SFI1: variants seen among roughly 807,000 people sequenced by gnomAD.
SFI1 encodes the protein SFI1 centrin binding protein, also known as protein SFI1 homolog.
In SFI1, 195 loss-of-function variants were observed where a neutral mutation model predicts 207.5. That is an observed-to-expected ratio of 0.94 (90% CI 0.84 to 1.06). SFI1 has a LOEUF of 1.06. Among genes scored for constraint, SFI1 ranks in the 50% least tolerant of loss-of-function variants. SFI1 has a pLI of 0.00. For synonymous variants in SFI1, 630 were observed against 598.9 expected (o/e 1.05, Z -0.76); for missense variants, 1,634 against 1,588.0 (o/e 1.03, Z -0.49).
chr22:31,602,102 T>C (rs1185789367), intron 15 of SFI1, 110 bp from the exon 16 acceptor site: 13 of 922,670 alleles, frequency 1.4e-5, no homozygotes, highest in African/African-American at 3.2e-5. Flanking sequence ...TCACCTCTTA[T>C]ACGATAGCAT....
chr22:31,606,591 A>G lies in SFI1; in HGVS notation c.2157+161A>G, dbSNP rs1253536101. On this transcript the variant is annotated intron_variant, in intron 21 of 32. Coordinates refer to ENST00000400288, the MANE Select transcript of SFI1 (RefSeq NM_001007467.3). The stretch of plus-strand genomic sequence containing the variant: ...CACACACAAACATCCATGTGGGCAC[A>G]TGTTTAGTTTTTTACTGAATTACAA... The G allele has an allele frequency of 8.8e-6, 5 of 571,192 alleles. No individual in the cohort carries two copies. The Admixed American group carries it at 1.5e-4, about 17-fold the overall frequency. The allele number at this position is 571,192 out of a possible 1,614,324, so 35.4% of individuals were successfully genotyped here. A position where few individuals can be genotyped will look rare whatever the true frequency, so the allele number is the denominator to read the frequency against.
chr22:31,608,602 G>A (rs5994415), intron 22 of SFI1, among the ~76,000 whole-genome samples: 44,174 of 151,908 alleles, frequency 0.29, 6,929 homozygotes, highest in East Asian at 0.44. Context: ...CTGCCAACCA[G>A]TTTATGTTAA....
chr22:31,528,797 A>G lies in SFI1; in HGVS notation c.200A>G (p.His67Arg). The G allele has an allele frequency of 6.2e-7, 1 of 1,614,148 alleles. No homozygotes were observed. The highest frequency in any genetic ancestry group is 2.2e-5 in the East Asian group (1 of 44,878). ...GIRRELPSTS[H>R]LVQYRGTHTC... ...CGGAGGGAGTTACCTAGTACCAGTC[A>G]TCTAGTGCAGTATCGTGGCACACAT... Residue 67 changes from histidine to arginine, a missense_variant, in exon 3 of 33, where the codon CAT becomes CGT. Transcript: ENST00000400288.
Position 31,575,316 on chromosome 22 carries a change from G to A in SFI1, c.1008G>A (p.Leu336=). Residue 336 remains leucine (L), a synonymous_variant, in exon 10 of 33, where the codon TTG becomes TTA. Coordinates refer to ENST00000400288, the MANE Select transcript of SFI1 (RefSeq NM_001007467.3). ...AGGCCTGGGAGCGGAGGGAGAGCTT[G>A]TACGCTCACCATGCCCAGGTGGAGA... ...WQQAWERRES[L]YAHHAQVEKL... 1.2e-6 allele frequency: 2 copies of A among 1,613,428 alleles called. No homozygotes were observed. The highest frequency in any genetic ancestry group is 1.7e-6 in the Non-Finnish European group (2 of 1,179,748).
chr22:31,613,797 T>G lies in SFI1; in HGVS notation c.2938T>G (p.Ser980Ala), dbSNP rs2070829030. The G allele has an allele frequency of 3.7e-6, 6 of 1,611,628 alleles. No homozygotes were observed. The South Asian group carries it at 6.6e-5, about 18-fold the overall frequency. ...CCTTGAGACCAAGAGGCCACAGGCT[T>G]CTCGGCCTCTGGGAGCTCTGGGCCG... Reference protein sequence around the residue: ...GTLETKRPQASRPLGALGRLA... With the variant: ...GTLETKRPQAARPLGALGRLA... The change falls in exon 27 of 33, where the codon TCT (serine) becomes GCT (alanine). Residue 980 changes from serine (S) to alanine (A), a missense_variant. Physicochemically the swap from Ser to Ala is moderately conservative, Grantham distance 99 (BLOSUM62 1). Transcript: ENST00000400288.
intron 24 of SFI1, chr22:31,612,398 A>AATATATATATATATATAT (rs57948429): frequency 5.0e-5 from 3 of 60,202 alleles, no homozygotes; most frequent in African/African-American, 2.0e-4. Flanking sequence ...AAAAAAAAAA[A>AATATATATATATATATAT]ATATATATAT....
intron 15 of SFI1, among the ~76,000 whole-genome samples, chr22:31,596,954 ACG>A (rs1416839355): frequency 4.2e-5 from 6 of 143,288 alleles, no homozygotes; most frequent in Non-Finnish European, 7.6e-5. Flanking sequence ...AGTACTGAAA[ACG>A]CGCACACACG....
intron 2 of SFI1, among the ~76,000 whole-genome samples, chr22:31,509,409 T>C (rs2055159823): frequency 6.6e-6 from 1 of 152,188 alleles, no homozygotes. Flanking sequence ...TGGTAAACCA[T>C]TGGTGTAAGT....
At chr22:31,558,723 G>A (rs1043100149) in intron 7 of SFI1, among the ~76,000 whole-genome samples, 4 of 151,856 alleles carry the variant, frequency 2.6e-5, no homozygotes, top group Non-Finnish European at 4.4e-5. Context: ...ATGATTCACC[G>A]GCCTCAGCCT....
At chr22:31,612,398 A>AAAAAAAAAAAATATAT (rs1556369798) in intron 24 of SFI1, 1 of 60,194 alleles carries the variant, frequency 1.7e-5, no homozygotes, top group Non-Finnish European at 3.0e-5. Context: ...AAAAAAAAAA[A>AAAAAAAAAAAATATAT]ATATATATAT....
chr22:31,537,280 T>G (rs2147601559), intron 4 of SFI1, among the ~76,000 whole-genome samples: 1 of 152,278 alleles, frequency 6.6e-6, no homozygotes, highest in South Asian at 2.1e-4. Flanking sequence ...GAAAGAAAAC[T>G]TCCCTGGAAG....
intron 11 of SFI1, 72 bp from the exon 12 acceptor site, chr22:31,580,200 T>G (rs1187680386): frequency 8.2e-7 from 1 of 1,222,518 alleles, no homozygotes; most frequent in African/African-American, 1.5e-5. Context: ...ACTGTTTGCC[T>G]TCCTCTACTC....
At chr22:31,593,415 G>A (rs1341097094) in intron 15 of SFI1, among the ~76,000 whole-genome samples, 4 of 140,236 alleles carry the variant, frequency 2.9e-5, no homozygotes, top group Admixed American at 2.1e-4. Context: ...GGGCAGAGAC[G>A]CTCCTCACTT....
At chr22:31,553,535 T>G in intron 6 of SFI1, among the ~76,000 whole-genome samples, 1 of 146,358 alleles carries the variant, frequency 6.8e-6, no homozygotes, top group Non-Finnish European at 1.5e-5. Flanking sequence ...TTGTATTTTT[T>G]TTTTTTTTTT....
At chr22:31,535,053 G>A (rs1478856986) in intron 4 of SFI1, among the ~76,000 whole-genome samples, 4 of 151,836 alleles carry the variant, frequency 2.6e-5, no homozygotes, top group Non-Finnish European at 4.4e-5. Flanking sequence ...TTTTAGTAGA[G>A]ACAGGGTTTC....
At chr22:31,531,736 A>T (rs1428430602) in intron 4 of SFI1, among the ~76,000 whole-genome samples, 1 of 152,134 alleles carries the variant, frequency 6.6e-6, no homozygotes, top group Non-Finnish European at 1.5e-5. Context: ...TCTACTAAAA[A>T]TACAAAATTA....
At chr22:31,601,411 C>T (rs996492983) in intron 15 of SFI1, among the ~76,000 whole-genome samples, 1 of 152,194 alleles carries the variant, frequency 6.6e-6, no homozygotes, top group Non-Finnish European at 1.5e-5. Context: ...GCGTGAGCCA[C>T]TATGCCCGGC....
At chr22:31,571,760 TATC>T (rs1403497134) in intron 8 of SFI1, among the ~76,000 whole-genome samples, 1 of 152,182 alleles carries the variant, frequency 6.6e-6, no homozygotes, top group Admixed American at 6.6e-5. Context: ...ATAACCATAA[TATC>T]ATTATTATAT....
In SFI1 at chr22:31,561,449, C is replaced by T. The variant is rs558513025; in HGVS notation, c.765+57C>T. The T allele has an allele frequency of 4.5e-5, 66 of 1,466,548 alleles. No homozygotes were observed. In the East Asian group the frequency reaches 7.6e-4, roughly 17 times the overall value. The allele number at this position is 1,466,548 out of a possible 1,614,324, so 90.8% of individuals were successfully genotyped here. On this transcript the variant is annotated intron_variant, in intron 8 of 32. Transcript: ENST00000400288. ...TCTGTCAGTGTTGTCAAGCCTCTCA[C>T]CCACAGAGGGCAGTGCTGGGCCTTC...
Sources: allele counts gnomAD v4.1 joint callset (sites outside exome capture counted in the v4.1 genomes callset), GRCh38; gene constraint gnomAD v4.1.1; transcripts MANE v1.5; gene names NCBI Gene and HGNC (gene_info 2026-07-23, HGNC 2026-07-21).